The following TSPAN16 variants were observed in gnomAD, a reference collection of about 807,000 sequenced individuals.
TSPAN16 encodes tetraspanin-16.
Under a neutral mutation model 25.2 loss-of-function variants are expected in TSPAN16, and 23 were observed. That is an observed-to-expected ratio of 0.91 (90% CI 0.66 to 1.29). The LOEUF is 1.29. TSPAN16 is among the 50% of genes most tolerant of loss of function. TSPAN16 has a pLI of 0.00. For missense variants in TSPAN16, 272 were observed against 299.9 expected (o/e 0.91, Z 0.69); for synonymous variants, 123 against 124.4 (o/e 0.99, Z 0.08).
chr19:11,319,530 G>C (rs963541513), downstream of TSPAN16, among the ~76,000 whole-genome samples: 2 of 151,990 alleles, frequency 1.3e-5, no homozygotes, highest in African/African-American at 4.8e-5. Context: ...ACCGGGAGGC[G>C]GAGCTTGCAG....
At chr19:11,312,063 G>T in intron 5 of TSPAN16, 76 bp from the exon 6 acceptor site, 2 of 1,103,322 alleles carry the variant, frequency 1.8e-6, no homozygotes, top group Non-Finnish European at 2.7e-6. Flanking sequence ...GTGGCCTAAT[G>T]AGTTGGGGTT....
chr19:11,320,883 A>G (rs1466361732), downstream of TSPAN16, among the ~76,000 whole-genome samples: 1 of 151,880 alleles, frequency 6.6e-6, no homozygotes, highest in Admixed American at 6.6e-5. Context: ...TAAAGGAAAG[A>G]GGTTTGCCCG....
At chr19:11,319,167 A>C (rs976068719), downstream of TSPAN16, among the ~76,000 whole-genome samples, 19 of 152,146 alleles carry the variant, frequency 1.2e-4, no homozygotes, top group African/African-American at 4.3e-4. Context: ...TTCCCAGGTT[A>C]CCCATATTTC....
chr19:11,312,284 C>T (rs1479399321), intron 6 of TSPAN16, 62 bp downstream of exon 6: 7 of 1,043,904 alleles, frequency 6.7e-6, no homozygotes, highest in Non-Finnish European at 9.9e-6. Context: ...GTATGCCAAA[C>T]ACTGTTCTGG....
intron 6 of TSPAN16, chr19:11,325,357 C>A: frequency 8.8e-7 from 1 of 1,139,394 alleles, no homozygotes. Context: ...ACAGTCCCTG[C>A]CGAGGCAGGA....
chr19:11,304,681 C>G (rs1001059248), intron 4 of TSPAN16, among the ~76,000 whole-genome samples: 1 of 148,232 alleles, frequency 6.7e-6, no homozygotes, highest in African/African-American at 2.6e-5. Flanking sequence ...CCTGCCATCA[C>G]GCCCGGCTAA....
At chr19:11,312,097 C>T in intron 5 of TSPAN16, 42 bp from the exon 6 acceptor site, 1 of 1,498,422 alleles carries the variant, frequency 6.7e-7, no homozygotes, top group African/African-American at 1.4e-5. Flanking sequence ...AATCCATAAG[C>T]CCCTAACCAC....
At chr19:11,316,811 C>CCT, downstream of TSPAN16, among the ~76,000 whole-genome samples, 1 of 129,622 alleles carries the variant, frequency 7.7e-6, no homozygotes, top group East Asian at 2.3e-4. Context: ...CCCCCCCCGC[C>CCT]TTTTTTTTTT....
intron 5 of TSPAN16, among the ~76,000 whole-genome samples, chr19:11,309,212 A>G (rs993764357): frequency 1.3e-5 from 2 of 148,896 alleles, no homozygotes; most frequent in Admixed American, 6.7e-5. Context: ...CCTCTCTAAA[A>G]TAGACAAAAA....
chr19:11,326,717 C>T (rs1031166053), intron 6 of TSPAN16: 140 of 682,746 alleles, frequency 2.1e-4, no homozygotes, highest in Non-Finnish European at 1.0e-4. Flanking sequence ...GATCCTCCCG[C>T]CTTGGCCCCC....
At chr19:11,309,222 A>C (rs1248665473) in intron 5 of TSPAN16, among the ~76,000 whole-genome samples, 2 of 152,158 alleles carry the variant, frequency 1.3e-5, no homozygotes, top group African/African-American at 4.8e-5. Flanking sequence ...ATAGACAAAA[A>C]AAAAAAAAAG....
chr19:11,321,443 T>C (rs1335973862), intron 6 of TSPAN16: 1 of 152,170 alleles, frequency 6.6e-6, no homozygotes, highest in African/African-American at 2.4e-5. Context: ...ACCTGGTCTC[T>C]CCCTTGACAC....
intron 4 of TSPAN16, among the ~76,000 whole-genome samples, chr19:11,303,509 C>T (rs2080590022): frequency 7.4e-6 from 1 of 135,132 alleles, no homozygotes; most frequent in South Asian, 2.4e-4. Context: ...TGTCCTATGA[C>T]CCTGCCAAAT....
downstream of TSPAN16, among the ~76,000 whole-genome samples, chr19:11,316,836 G>T: frequency 6.9e-6 from 1 of 145,840 alleles, no homozygotes; most frequent in African/African-American, 2.6e-5. Flanking sequence ...TTAAGATGGA[G>T]TCTTGTTCTG....
chr19:11,303,158 G>C lies in TSPAN16; in HGVS notation c.450+1850G>C, dbSNP rs532576769. The stretch of plus-strand genomic sequence containing the variant: ...AAGATTGAGAAATCGGATGGTTGTC[G>C]TGTCTGTGTAGAAAGAAGTAGACAT... On this transcript the variant is annotated intron_variant, in intron 4 of 6. Coordinates refer to ENST00000590327, the MANE Select transcript of TSPAN16 (RefSeq NM_001282509.2). Among the ~76,000 whole-genome samples the C allele has an allele frequency of 2.6e-4, 39 of 147,786 alleles. 1 individual carries two copies. The highest frequency in any genetic ancestry group is 8.8e-4 in the African/African-American group (33 of 37,634).
chr19:11,298,831 T>C (rs769302161), intron 2 of TSPAN16, 41 bp from the exon 3 acceptor site: 66 of 1,589,042 alleles, frequency 4.2e-5, no homozygotes, highest in Middle Eastern at 1.7e-4. Context: ...GGGAGGAGGC[T>C]GAGCAGGCTC....
At chr19:11,307,774 G>C (rs2080645505) in intron 5 of TSPAN16, 2 of 152,152 alleles carry the variant, frequency 1.3e-5, no homozygotes, top group Non-Finnish European at 2.9e-5. Context: ...CCCTGCAAAG[G>C]GGGTCAGGGA....
At position 11,298,287 on chromosome 19, in the gene TSPAN16, G is replaced by A; in HGVS notation, c.215G>A (p.Gly72Asp). 6.2e-7 allele frequency: 1 copy of A among 1,614,122 alleles called. No individual in the cohort carries two copies. Among genetic ancestry groups the A allele is most frequent in the Non-Finnish European group, 8.5e-7 (1 of 1,180,004 alleles). ...LVMGCITVLL[G>D]CAGWYGATKE... ...ATGGGATGCATCACGGTACTGCTTGGCTGTGCCGGGTGGTATGGAGCGACT... is the reference window on the plus strand; with the variant it reads ...ATGGGATGCATCACGGTACTGCTTGACTGTGCCGGGTGGTATGGAGCGACT... Residue 72 changes from glycine (G) to aspartate (D), a missense_variant, in exon 2 of 7, where the codon GGC becomes GAC. Physicochemically the swap from Gly to Asp is moderately conservative, Grantham distance 94. Transcript: ENST00000590327.
At chr19:11,321,225 G>A (rs651774) in intron 6 of TSPAN16, 47,543 of 151,650 alleles carry the variant, frequency 0.31, 9,776 homozygotes, top group African/African-American at 0.58. Flanking sequence ...TTTACTCACA[G>A]TTCAACATGG....
Sources: gnomAD v4.1 joint callset for allele counts (sites outside exome capture counted in the v4.1 genomes callset) on GRCh38, gnomAD v4.1.1 for gene constraint, MANE v1.5 for transcripts, NCBI Gene and HGNC (gene_info 2026-07-23, HGNC 2026-07-21) for gene names.